Variants in RASGRP3 observed in about 807,000 individuals in gnomAD.
RASGRP3 encodes ras guanyl-releasing protein 3.
A neutral mutation model predicts 82.7 loss-of-function variants in RASGRP3; 54 were observed. The observed-to-expected ratio is 0.65, with a 90% CI of 0.52 to 0.82. The LOEUF is 0.82. RASGRP3 is among the 40% of genes least tolerant of loss of function. RASGRP3 has a pLI of 0.00. For missense variants in RASGRP3, 861 were observed against 828.9 expected, an observed-to-expected ratio of 1.04 and a Z score of -0.48; for synonymous variants, 309 against 300.5, an observed-to-expected ratio of 1.03 and a Z score of -0.29.
chr2:33,537,320 A>ACACACACCC (rs771052774), intron 11 of RASGRP3, among the ~76,000 whole-genome samples: 4 of 33,338 alleles, frequency 1.2e-4, no homozygotes, highest in Non-Finnish European at 2.3e-4. Flanking sequence ...ACACACACAC[A>ACACACACCC]CCGCCCCCCC....
At chr2:33,562,115 A>C (rs554276775) in intron 17 of RASGRP3, among the ~76,000 whole-genome samples, 1 of 152,216 alleles carries the variant, frequency 6.6e-6, no homozygotes, top group African/African-American at 2.4e-5. Context: ...ACTAATTTAC[A>C]CTGTGGATTT....
chr2:33,558,333 C>T lies in RASGRP3; in HGVS notation c.1702C>T (p.Pro568Ser). 6.2e-7 allele frequency: 1 copy of T among 1,613,240 alleles called. No individual in the cohort carries two copies. Among genetic ancestry groups the T allele is most frequent in the East Asian group, 2.2e-5 (1 of 44,844 alleles). ...ACTGCCTGGAAGCCCCTCGCTGCCC[C>T]CAGGTAATGCCCTCTGCTTTCTTTG... ...GSLPGSPSLP[P>S]AQDEVFEFPG... Residue 568 changes from proline (P) to serine (S), a missense_variant, in exon 16 of 18, where the codon CCA becomes TCA. Physicochemically the swap from Pro to Ser is moderately conservative, Grantham distance 74. Coordinates refer to ENST00000403687, the MANE Select transcript of RASGRP3 (RefSeq NM_001139488.2).
chr2:33,527,102 T>A, intron 9 of RASGRP3, 35 bp from the exon 10 acceptor site: 1 of 1,608,874 alleles, frequency 6.2e-7, no homozygotes, highest in Non-Finnish European at 8.5e-7. Flanking sequence ...GGAGGGAAAG[T>A]TGTTTGAAAA....
In RASGRP3 at chr2:33,539,076, T is replaced by C; in HGVS notation, c.1162-18T>C. The C allele has an allele frequency of 6.7e-7, 1 of 1,502,096 alleles. No homozygotes were observed. Among genetic ancestry groups the C allele is most frequent in the South Asian group, 1.3e-5 (1 of 79,664 alleles). The allele number at this position is 1,502,096 out of a possible 1,614,324, so 93.0% of individuals were successfully genotyped here. Reference sequence around the variant, plus strand: ...ATAATAAAGTTGAAAAATATGTGGTTTTTTTTTTGTTTATCAGCAGCCTAC... The same window carrying C: ...ATAATAAAGTTGAAAAATATGTGGTCTTTTTTTTGTTTATCAGCAGCCTAC... On this transcript the variant is annotated intron_variant, in intron 11 of 17. Coordinates refer to ENST00000403687, the MANE Select transcript of RASGRP3 (RefSeq NM_001139488.2).
At chr2:33,535,318 T>C (rs1383223984) in intron 11 of RASGRP3, among the ~76,000 whole-genome samples, 1 of 152,254 alleles carries the variant, frequency 6.6e-6, no homozygotes, top group African/African-American at 2.4e-5. Context: ...TGCTTTGCAC[T>C]AATACAAAAT....
chr2:33,512,322 G>A (rs537279607), intron 2 of RASGRP3, among the ~76,000 whole-genome samples: 1 of 152,222 alleles, frequency 6.6e-6, no homozygotes, highest in South Asian at 2.1e-4. Flanking sequence ...GAGTAATTTT[G>A]GTTTTGAATT....
chr2:33,509,763 C>T (rs1670751229), intron 1 of RASGRP3, among the ~76,000 whole-genome samples: 1 of 152,082 alleles, frequency 6.6e-6, no homozygotes, highest in African/African-American at 2.4e-5. Flanking sequence ...TCCATTTATC[C>T]TTCACTTCCC....
At position 33,562,880 on chromosome 2, in the gene RASGRP3, A is replaced by G; in HGVS notation, c.*143A>G. 3 of 1,084,352 alleles carry G rather than the reference A, an allele frequency of 2.8e-6. No homozygotes were observed. Among genetic ancestry groups the G allele is most frequent in the South Asian group, 3.0e-5 (2 of 67,626 alleles). 67.2% of individuals were successfully genotyped at this position (1,084,352 alleles called of 1,614,324 possible). A position where few individuals can be genotyped will look rare whatever the true frequency, so the allele number is the denominator to read the frequency against. On this transcript the variant is annotated 3_prime_UTR_variant, in exon 18 of 18. Coordinates refer to ENST00000403687, the MANE Select transcript of RASGRP3 (RefSeq NM_001139488.2). ...TGCCTTGGGACACTGTGGGATCTCC[A>G]TGTTTGGACTATGGGACAGAGAATT...
At chr2:33,504,713 A>G (rs1041019476) in intron 1 of RASGRP3, among the ~76,000 whole-genome samples, 2 of 152,176 alleles carry the variant, frequency 1.3e-5, no homozygotes, top group Non-Finnish European at 2.9e-5. Flanking sequence ...TTCTGTTCAC[A>G]TTCTCTTGCT....
intron 2 of RASGRP3, among the ~76,000 whole-genome samples, chr2:33,468,006 T>TTC (rs1206361107): frequency 4.7e-5 from 6 of 127,226 alleles, no homozygotes; most frequent in African/African-American, 2.5e-4. Flanking sequence ...CTTTCTTTCT[T>TTC]TCTTTCTTTC....
Position 33,467,212 on chromosome 2 carries a change from G to A in RASGRP3, c.-261+19269G>A, listed in dbSNP as rs543621723. Reference sequence around the variant, plus strand: ...CTAAAGGCAATGCACATTGAACACCGGCACTATATTTTTTTCAGTTATTGA... The same window carrying A: ...CTAAAGGCAATGCACATTGAACACCAGCACTATATTTTTTTCAGTTATTGA... On this transcript the variant is annotated intron_variant, in intron 2 of 18. Transcript: ENST00000402538. Among the ~76,000 whole-genome samples the A allele has an allele frequency of 4.6e-5, 7 of 152,154 alleles. No individual in the cohort carries two copies. The East Asian group carries it at 7.7e-4, about 17-fold the overall frequency.
At chr2:33,531,111 C>T (rs976766586) in intron 10 of RASGRP3, among the ~76,000 whole-genome samples, 7 of 152,112 alleles carry the variant, frequency 4.6e-5, no homozygotes, top group Non-Finnish European at 1.0e-4. Context: ...TGAGTAGAGG[C>T]AGTCTGATGT....
chr2:33,486,986 A>T (rs1175543004), intron 1 of RASGRP3, among the ~76,000 whole-genome samples: 1 of 152,206 alleles, frequency 6.6e-6, no homozygotes, highest in African/African-American at 2.4e-5. Flanking sequence ...AGACAAAATA[A>T]ATGATAATTA....
intron 2 of RASGRP3, among the ~76,000 whole-genome samples, chr2:33,470,641 A>G (rs983549125): frequency 1.3e-5 from 2 of 152,020 alleles, no homozygotes; most frequent in African/African-American, 4.8e-5. Context: ...GGCCTCCCAA[A>G]GTGCTGGGAT....
intron 1 of RASGRP3, among the ~76,000 whole-genome samples, chr2:33,508,089 C>G (rs1376680691): frequency 1.3e-5 from 2 of 152,134 alleles, no homozygotes; most frequent in African/African-American, 4.8e-5. Flanking sequence ...TCCCAGATTT[C>G]TAGCTAGATA....
intron 6 of RASGRP3, 69 bp downstream of exon 6, chr2:33,520,753 C>A: frequency 6.3e-7 from 1 of 1,580,794 alleles, no homozygotes; most frequent in Non-Finnish European, 8.6e-7. Context: ...AGTGATCACC[C>A]CACTTGTTCT....
intron 10 of RASGRP3, chr2:33,532,615 G>A (rs1011127643): frequency 5.9e-5 from 9 of 152,192 alleles, no homozygotes; most frequent in African/African-American, 2.2e-4. Context: ...CCTGGGAGGT[G>A]GGAGTGATTA....
In RASGRP3 at chr2:33,524,483, C is replaced by T. The variant is rs761396516; in HGVS notation, c.742C>T (p.Leu248Phe). Residue 248 changes from leucine (L) to phenylalanine (F), a missense_variant, in exon 9 of 18, where the codon CTC becomes TTC. Leu to Phe is a conservative substitution (Grantham distance 22, BLOSUM62 0). Coordinates refer to ENST00000403687, the MANE Select transcript of RASGRP3 (RefSeq NM_001139488.2). ...FNTLMAVVGG[L>F]SHSSISRLKE... ...CACCCTGATGGCAGTGGTGGGAGGC[C>T]TCAGTCATAGTTCCATTTCACGCCT... 2.3e-5 allele frequency: 37 copies of T among 1,606,148 alleles called. No individual in the cohort carries two copies. Among genetic ancestry groups the T allele is most frequent in the Non-Finnish European group, 3.1e-5 (37 of 1,176,302 alleles).
At chr2:33,460,516 A>AT (rs746782383) in intron 2 of RASGRP3, among the ~76,000 whole-genome samples, 3,278 of 140,650 alleles carry the variant, frequency 0.023, 46 homozygotes, top group Non-Finnish European at 0.032. Flanking sequence ...TTTAGATATA[A>AT]TTTTTTTTTT....
Sources: allele counts gnomAD v4.1 joint callset (sites outside exome capture counted in the v4.1 genomes callset), GRCh38; gene constraint gnomAD v4.1.1; transcripts MANE v1.5; gene names NCBI Gene and HGNC (gene_info 2026-07-23, HGNC 2026-07-21).